Variants in CEACAM6 observed in about 807,000 individuals in gnomAD.
The protein encoded by CEACAM6 is CEA cell adhesion molecule 6.
Under a neutral mutation model 32.4 loss-of-function variants are expected in CEACAM6, and 21 were observed. That is an observed-to-expected ratio of 0.65 (90% CI 0.46 to 0.93). The LOEUF is 0.93. CEACAM6 is among the 40% of genes least tolerant of loss of function. CEACAM6 has a pLI of 0.00. For missense variants in CEACAM6, 406 were observed against 432.2 expected (o/e 0.94, Z 0.54); for synonymous variants, 184 against 174.4 (o/e 1.06, Z -0.43).
chr19:41,765,176 G>A (rs2072949270), intron 4 of CEACAM6, among the ~76,000 whole-genome samples: 1 of 152,178 alleles, frequency 6.6e-6, no homozygotes, highest in African/African-American at 2.4e-5. Flanking sequence ...CTTTGGATAA[G>A]TTTTCTCATC....
chr19:41,761,942 C>A, intron 3 of CEACAM6, 27 bp from the exon 4 acceptor site: 1 of 1,612,436 alleles, frequency 6.2e-7, no homozygotes, highest in Non-Finnish European at 8.5e-7. Context: ...GACAACATCA[C>A]CTGTGGCTTT....
At chr19:41,759,919 T>A (rs782677482) in intron 2 of CEACAM6, among the ~76,000 whole-genome samples, 1 of 152,236 alleles carries the variant, frequency 6.6e-6, no homozygotes, top group African/African-American at 2.4e-5. Flanking sequence ...ACTAAAGTGA[T>A]GCTGAAAAGA....
In CEACAM6 at chr19:41,756,783, T is replaced by C. The variant is rs782194549; in HGVS notation, c.248T>C (p.Val83Ala). The change falls in exon 2 of 6, where the codon GTA (valine) becomes GCA (alanine). Residue 83 changes from valine to alanine, a missense_variant. Physicochemically the swap from Val to Ala is moderately conservative, Grantham distance 64. Transcript: ENST00000199764. ...VDGNSLIVGY[V>A]IGTQQATPGP... ...GGCAACAGTCTAATTGTAGGATATG[T>C]AATAGGAACTCAACAAGCTACCCCA... The C allele has an allele frequency of 3.1e-6, 5 of 1,613,860 alleles. No homozygotes were observed. Among genetic ancestry groups the C allele is most frequent in the East Asian group, 2.2e-5 (1 of 44,880 alleles).
intron 4 of CEACAM6, among the ~76,000 whole-genome samples, chr19:41,765,652 C>T (rs2122929113): frequency 6.6e-6 from 1 of 152,282 alleles, no homozygotes; most frequent in East Asian, 1.9e-4. Context: ...TTCTGAGTTT[C>T]CCCAAGACCG....
rs1204807149 is a variant in CEACAM6, at chr19:41,768,594, C to T, written c.*41-2208C>T. ...CAAAACTGCCATTGTCATCATGGCCCGTTCTCAATGAGCTGTTGGGTACAC... is the reference window on the plus strand; with the variant it reads ...CAAAACTGCCATTGTCATCATGGCCTGTTCTCAATGAGCTGTTGGGTACAC... On this transcript the variant is annotated intron_variant, in intron 5 of 5. Transcript: ENST00000199764. Among the ~76,000 whole-genome samples the T allele has an allele frequency of 9.8e-5, 15 of 152,306 alleles. No individual in the cohort carries two copies. The East Asian group carries it at 2.5e-3, about 26-fold the overall frequency.
At chr19:41,755,978 A>G (rs2072882707) in intron 1 of CEACAM6, among the ~76,000 whole-genome samples, 1 of 152,254 alleles carries the variant, frequency 6.6e-6, no homozygotes, top group Non-Finnish European at 1.5e-5. Context: ...TCAGAACTGC[A>G]TTAGGATGAC....
intron 5 of CEACAM6, among the ~76,000 whole-genome samples, chr19:41,766,917 A>G (rs924257535): frequency 6.6e-6 from 1 of 150,970 alleles, no homozygotes; most frequent in Non-Finnish European, 1.5e-5. Flanking sequence ...GAGGCAGGAG[A>G]ATGGCGTGAA....
intron 2 of CEACAM6, among the ~76,000 whole-genome samples, chr19:41,759,817 CTT>C (rs1452098100): frequency 7.9e-5 from 12 of 152,270 alleles, no homozygotes; most frequent in African/African-American, 2.9e-4. Flanking sequence ...TCCTGACAAA[CTT>C]TTCAAAGCAA....
chr19:41,763,764 G>A (rs1168055441), intron 4 of CEACAM6, among the ~76,000 whole-genome samples: 1 of 152,188 alleles, frequency 6.6e-6, no homozygotes, highest in African/African-American at 2.4e-5. Flanking sequence ...GCCACACACG[G>A]CAATCTTCTC....
At chr19:41,756,506 A>T in intron 1 of CEACAM6, 94 bp from the exon 2 acceptor site, 1 of 1,477,688 alleles carries the variant, frequency 6.8e-7, no homozygotes, top group Non-Finnish European at 9.1e-7. Context: ...TCCAACGTGG[A>T]GGGGTGAAGA....
Position 41,762,009 on chromosome 19 carries a change from T to C in CEACAM6, c.744T>C (p.Asn248=). Residue 248 remains asparagine, a synonymous_variant, in exon 4 of 6, where the codon AAT becomes AAC. Coordinates refer to ENST00000199764, the MANE Select transcript of CEACAM6 (RefSeq NM_002483.7). The part of the protein sequence containing the change: ...DVPTISPSKA[N]YRPGENLNLS... ...CCACCATTTCCCCCTCAAAGGCCAA[T>C]TACCGTCCAGGGGAAAATCTGAACC... is the stretch of plus-strand genomic sequence containing the variant. 6.2e-7 allele frequency: 1 copy of C among 1,614,132 alleles called. No individual in the cohort carries two copies. The highest frequency in any genetic ancestry group is 8.5e-7 in the Non-Finnish European group (1 of 1,180,004).
At chr19:41,759,569 T>C (rs782082907) in intron 2 of CEACAM6, among the ~76,000 whole-genome samples, 3 of 152,184 alleles carry the variant, frequency 2.0e-5, no homozygotes, top group Non-Finnish European at 4.4e-5. Flanking sequence ...CTCTCTCTAC[T>C]CAAGGAGTTG....
chr19:41,768,240 C>T (rs537079491), intron 5 of CEACAM6, among the ~76,000 whole-genome samples: 30 of 152,154 alleles, frequency 2.0e-4, no homozygotes, highest in African/African-American at 7.2e-4. Context: ...GGCAGAGGAC[C>T]CTGCGGCCTT....
intron 5 of CEACAM6, 54 bp downstream of exon 5, chr19:41,766,353 G>A: frequency 2.1e-6 from 2 of 943,164 alleles, no homozygotes; most frequent in Non-Finnish European, 1.6e-6. Flanking sequence ...CACCATGCTT[G>A]GGAAAGGAAA....
intron 5 of CEACAM6, among the ~76,000 whole-genome samples, chr19:41,769,770 A>G (rs1179691066): frequency 3.4e-5 from 5 of 148,664 alleles, no homozygotes; most frequent in African/African-American, 1.2e-4. Context: ...ATAAACAATT[A>G]TTTGATGATC....
intron 4 of CEACAM6, among the ~76,000 whole-genome samples, chr19:41,762,650 C>T (rs2072933745): frequency 6.6e-6 from 1 of 152,178 alleles, no homozygotes; most frequent in Non-Finnish European, 1.5e-5. Context: ...TGAGCTCACA[C>T]TTTTTCCTTA....
At chr19:41,769,249 C>T (rs936387901) in intron 5 of CEACAM6, among the ~76,000 whole-genome samples, 1 of 152,104 alleles carries the variant, frequency 6.6e-6, no homozygotes, top group South Asian at 2.1e-4. Context: ...CCAGCCCCGA[C>T]AATTATTTTG....
chr19:41,767,422 C>A (rs1420644798), intron 5 of CEACAM6, among the ~76,000 whole-genome samples: 1 of 152,116 alleles, frequency 6.6e-6, no homozygotes, highest in Non-Finnish European at 1.5e-5. Flanking sequence ...AAGGTCCCTA[C>A]CCCCAGGGAA....
At position 41,762,094 on chromosome 19, in the gene CEACAM6, T is replaced by C; in HGVS notation, c.829T>C (p.Phe277Leu). 6.2e-7 allele frequency: 1 copy of C among 1,614,182 alleles called. No individual in the cohort carries two copies. The highest frequency in any genetic ancestry group is 8.5e-7 in the Non-Finnish European group (1 of 1,180,030). The change falls in exon 4 of 6, where the codon TTC becomes CTC. Residue 277 changes from phenylalanine (F) to leucine (L), a missense_variant. By Grantham distance (22) the Phe-to-Leu change is conservative (BLOSUM62 0). Transcript: ENST00000199764. Reference protein sequence around the residue: ...AQYSWFINGTFQQSTQELFIP... With the variant: ...AQYSWFINGTLQQSTQELFIP... ...GTACTCTTGGTTTATCAATGGGACG[T>C]TCCAGCAATCCACACAAGAGCTCTT...
Sources: allele counts gnomAD v4.1 joint callset (sites outside exome capture counted in the v4.1 genomes callset), GRCh38; gene constraint gnomAD v4.1.1; transcripts MANE v1.5; gene names NCBI Gene and HGNC (gene_info 2026-07-23, HGNC 2026-07-21).